The following UBR4 variants were observed in gnomAD, a reference collection of about 807,000 sequenced individuals.
UBR4 encodes ubiquitin protein ligase E3 component n-recognin 4.
In UBR4, 124 loss-of-function variants were observed where a neutral mutation model predicts 575.6. That is an observed-to-expected ratio of 0.22 (90% CI 0.19 to 0.25). UBR4 has a LOEUF of 0.25. UBR4 is among the 10% of genes least tolerant of loss of function. UBR4 has a pLI of 1.00. For missense variants in UBR4, 4,818 were observed against 6,478.8 expected (o/e 0.74, Z 8.80); for synonymous variants, 2,455 against 2,473.7 (o/e 0.99, Z 0.22).
Position 19,096,629 on chromosome 1 carries a change from T to A in UBR4, c.13412A>T (p.Glu4471Val), listed in dbSNP as rs745586181. ...STTDEEEDEEEVYKMAGVMAQ... is the reference protein window; with the variant it reads ...STTDEEEDEEVVYKMAGVMAQ... ...CATCACACCAGCCATTTTATACACT[T>A]CTTCTTCATCTTCTTCTTCATCTAG... Residue 4471 changes from glutamate (E) to valine (V), a missense_variant, in exon 92 of 106, where the codon GAA becomes GTA. Transcript: ENST00000375254. 2.2e-5 allele frequency: 36 copies of A among 1,613,472 alleles called. No homozygotes were observed. Among genetic ancestry groups the A allele is most frequent in the Non-Finnish European group, 2.8e-5 (33 of 1,179,824 alleles).
Position 19,144,805 on chromosome 1 carries a change from A to G in UBR4, c.8048T>C (p.Met2683Thr), listed in dbSNP as rs1408843147. The change falls in exon 54 of 106, where the codon ATG (methionine) becomes ACG (threonine). Residue 2683 changes from methionine to threonine, a missense_variant. Met to Thr is a moderately conservative substitution (Grantham distance 81). Transcript: ENST00000375254. ...ACGTACAGGACACAAGAGCATCTGC[A>G]TGTAGATCTTGGATGCTGTGTTAAT... Reference protein sequence around the residue: ...DCINTASKIYMQMLLCPDPAV... With the variant: ...DCINTASKIYTQMLLCPDPAV... 5.6e-6 allele frequency: 9 copies of G among 1,614,036 alleles called. No homozygotes were observed. The highest frequency in any genetic ancestry group is 7.6e-6 in the Non-Finnish European group (9 of 1,179,952).
chr1:19,197,563 G>T, intron 7 of UBR4, 107 bp downstream of exon 7: 1 of 1,474,228 alleles, frequency 6.8e-7, no homozygotes, highest in Non-Finnish European at 9.1e-7. Flanking sequence ...AGGAGACGAG[G>T]TTACAGTGAA....
rs750896011 is a variant in UBR4, at chr1:19,157,658, A to G, written c.5760+157T>C. Among the ~76,000 whole-genome samples, 1 of 152,282 alleles carries G rather than the reference A, an allele frequency of 6.6e-6. No individual in the cohort carries two copies. The highest frequency in any genetic ancestry group is 1.5e-5 in the Non-Finnish European group (1 of 68,052). On this transcript the variant is annotated intron_variant, in intron 40 of 105. Coordinates refer to ENST00000375254, the MANE Select transcript of UBR4 (RefSeq NM_020765.3). The surrounding 1 kb of genome is among the most constrained non-coding windows in gnomAD (Gnocchi z 4.4). ...AATCAAATCAATTCAGGGTTCAAGT[A>G]TTTGAAAAGCTCAACAAGATCTGTC...
chr1:19,163,844 A>C lies in UBR4; in HGVS notation c.4701-17T>G, dbSNP rs373918836. 22 of 1,613,572 alleles carry C rather than the reference A, an allele frequency of 1.4e-5. No homozygotes were observed. Among genetic ancestry groups the C allele is most frequent in the Non-Finnish European group, 1.5e-5 (18 of 1,179,706 alleles). On this transcript the variant is annotated splice_polypyrimidine_tract_variant and intron_variant, in intron 33 of 105. Coordinates refer to ENST00000375254, the MANE Select transcript of UBR4 (RefSeq NM_020765.3). Reference sequence around the variant, plus strand: ...TATTTCTTGCTGTCCCAAAGAAAAAAAAGAGGGGAAAGAGGAGACACAAAA... The same window carrying C: ...TATTTCTTGCTGTCCCAAAGAAAAACAAGAGGGGAAAGAGGAGACACAAAA...
At chr1:19,194,522 CT>C (rs1189535411) in intron 8 of UBR4, among the ~76,000 whole-genome samples, 2 of 152,166 alleles carry the variant, frequency 1.3e-5, no homozygotes, top group African/African-American at 4.8e-5. Context: ...ATAATTAAGG[CT>C]GGGCGCGGTG....
intron 25 of UBR4, 90 bp from the exon 26 acceptor site, chr1:19,170,973 A>G (rs1435259846): frequency 4.5e-6 from 7 of 1,568,578 alleles, no homozygotes; most frequent in Non-Finnish European, 2.6e-6. Flanking sequence ...AAAACCCTAT[A>G]TCTCAGTTTC....
chr1:19,095,588 A>G lies in UBR4; in HGVS notation c.13583T>C (p.Leu4528Pro). The change falls in exon 93 of 106, where the codon CTG becomes CCG. Residue 4528 changes from leucine (L) to proline (P), a missense_variant. This residue lies in a region of UBR4 where 165 missense variants were observed against 282.3 expected (regional missense o/e 0.58). Coordinates refer to ENST00000375254, the MANE Select transcript of UBR4 (RefSeq NM_020765.3). ...VKVNRQQLVK[L>P]EMNTLNVMLG... ...CATGACGTTCAAGGTGTTCATTTCC[A>G]GTTTGACCAGTTGCTGCCGGTTGAC... 6.2e-7 allele frequency: 1 copy of G among 1,614,118 alleles called. No homozygotes were observed. The highest frequency in any genetic ancestry group is 8.5e-7 in the Non-Finnish European group (1 of 1,180,012).
In UBR4 at chr1:19,157,026, C is replaced by A. The variant is rs989903923; in HGVS notation, c.5761-101G>T. The A allele has an allele frequency of 8.2e-6, 11 of 1,344,196 alleles. No individual in the cohort carries two copies. The highest frequency in any genetic ancestry group is 4.4e-5 in the African/African-American group (3 of 67,740). The allele number at this position is 1,344,196 out of a possible 1,614,324, so 83.3% of individuals were successfully genotyped here. A position where few individuals can be genotyped will look rare whatever the true frequency, so the allele number is the denominator to read the frequency against. On this transcript the variant is annotated intron_variant, in intron 40 of 105. Transcript: ENST00000375254. This position sits in a 1 kb window ranked among gnomAD's most constrained non-coding sequence, Gnocchi z 4.4. ...TTCAATAGGGATAACAGGTTGCACACTTTTTTCTTTACAGATAAGTCTAGT... is the reference window on the plus strand; with the variant it reads ...TTCAATAGGGATAACAGGTTGCACAATTTTTTCTTTACAGATAAGTCTAGT...
rs1247586485 is a variant in UBR4, at chr1:19,102,413, T to TA, written c.12902-773dup. Among the ~76,000 whole-genome samples, 7 of 150,208 alleles carry TA rather than the reference T, an allele frequency of 4.7e-5. No individual in the cohort carries two copies. The East Asian group carries it at 9.8e-4, about 21-fold the overall frequency. On this transcript the variant is annotated intron_variant, in intron 87 of 105. Coordinates refer to ENST00000375254, the MANE Select transcript of UBR4 (RefSeq NM_020765.3). Reference sequence around the variant, plus strand: ...TTACTGGGTGGGTCTGAATTAAAATTAAAAAAAAAGGTAAAGGTCCCTGAC... The same window carrying TA: ...TTACTGGGTGGGTCTGAATTAAAATTAAAAAAAAAAGGTAAAGGTCCCTGAC...
At chr1:19,124,813 T>C in intron 64 of UBR4, 123 bp from the exon 65 acceptor site, 1 of 1,283,286 alleles carries the variant, frequency 7.8e-7, no homozygotes, top group East Asian at 2.4e-5. Flanking sequence ...CTTTCAGAGC[T>C]GGAATCAAGA....
chr1:19,144,122 G>A (rs753792508), intron 54 of UBR4, 31 bp from the exon 55 acceptor site: 3 of 1,587,304 alleles, frequency 1.9e-6, no homozygotes, highest in Non-Finnish European at 2.6e-6. Context: ...GTCACGCTTT[G>A]CTCTCATATT....
chr1:19,194,675 G>A (rs568005301), intron 8 of UBR4, among the ~76,000 whole-genome samples: 134 of 152,076 alleles, frequency 8.8e-4, no homozygotes, highest in Non-Finnish European at 1.4e-3. Flanking sequence ...AGTGGCAGGC[G>A]CCTATAATCC....
At chr1:19,128,444 T>C (rs770520165) in intron 61 of UBR4, 126 bp from the exon 62 acceptor site, 111 of 796,166 alleles carry the variant, frequency 1.4e-4, no homozygotes, top group Non-Finnish European at 1.9e-4. Context: ...TAATCCATTA[T>C]AGCGTTCTAA....
chr1:19,198,074 A>G, intron 5 of UBR4, 25 bp from the exon 6 acceptor site: 2 of 1,606,330 alleles, frequency 1.2e-6, no homozygotes, highest in Non-Finnish European at 1.7e-6. Flanking sequence ...AAGGCCTGTC[A>G]AGATACTATT....
rs546703142 is a variant in UBR4 at position 19,178,152 on chromosome 1, A to G, written c.2355-409T>C. Among the ~76,000 whole-genome samples the G allele has an allele frequency of 7.2e-5, 11 of 152,312 alleles. No homozygotes were observed. In the East Asian group the frequency reaches 2.1e-3, roughly 29 times the overall value. The stretch of plus-strand genomic sequence containing the variant: ...TTCAATTACTTTTCCCCATATTTTG[A>G]TTCTATCATTTAATTCTAGTTTTGA... On this transcript the variant is annotated intron_variant, in intron 18 of 105. Transcript: ENST00000375254.
rs770186094 is a variant in UBR4, at chr1:19,201,734, T to G, written c.258A>C (p.Thr86=). The G allele has an allele frequency of 4.3e-6, 7 of 1,613,848 alleles. No homozygotes were observed. Among genetic ancestry groups the G allele is most frequent in the African/African-American group, 1.3e-5 (1 of 74,924 alleles). Residue 86 remains threonine, a synonymous_variant, in exon 2 of 106, where the codon ACA becomes ACC. Coordinates refer to ENST00000375254, the MANE Select transcript of UBR4 (RefSeq NM_020765.3). Reference sequence around the variant, plus strand: ...AATACTTACTGAGACTGCAAACTGTTGTAATATAGTGTGTGGAAAGTGCAA... The same window carrying G: ...AATACTTACTGAGACTGCAAACTGTGGTAATATAGTGTGTGGAAAGTGCAA... ...SFVALSTHYI[T]TVCSLIPRNQ...
At chr1:19,102,397 G>A (rs1343439749) in intron 87 of UBR4, among the ~76,000 whole-genome samples, 1 of 151,962 alleles carries the variant, frequency 6.6e-6, no homozygotes, top group Non-Finnish European at 1.5e-5. Flanking sequence ...ATTACTGGGT[G>A]GGTCTGAATT....
rs753075716 is a variant in UBR4 at position 19,150,609 on chromosome 1, G to A, written c.7398C>T (p.Ala2466=). The part of the protein sequence containing the change: ...SNGTGDSDSA[A]PTTTSGTVLE... ...GGACAGTTCCACTGGTCGTAGTGGGGGCAGCTGAGTCGCTATCTCCAGTGC... is the reference window on the plus strand; with the variant it reads ...GGACAGTTCCACTGGTCGTAGTGGGAGCAGCTGAGTCGCTATCTCCAGTGC... The change falls in exon 49 of 106, where the codon GCC becomes GCT. Residue 2466 remains alanine (A), a synonymous_variant. Transcript: ENST00000375254. 1.2e-6 allele frequency: 2 copies of A among 1,613,522 alleles called. No individual in the cohort carries two copies. Among genetic ancestry groups the A allele is most frequent in the East Asian group, 2.2e-5 (1 of 44,890 alleles).
intron 58 of UBR4, among the ~76,000 whole-genome samples, 167 bp downstream of exon 58, chr1:19,140,621 C>T (rs900559731): frequency 3.3e-5 from 5 of 152,188 alleles, no homozygotes; most frequent in African/African-American, 4.8e-5. Flanking sequence ...GCGGCGGGGC[C>T]GAGCCACAGC....
Sources: gnomAD v4.1 joint callset for allele counts (sites outside exome capture counted in the v4.1 genomes callset) on GRCh38, gnomAD v4.1.1 for gene constraint, gnomAD v4.1.1 regional missense constraint, Gnocchi (gnomAD v3.1) non-coding constraint, MANE v1.5 for transcripts, NCBI Gene and HGNC (gene_info 2026-07-23, HGNC 2026-07-21) for gene names.